ZZEF1: variants seen among roughly 807,000 people sequenced by gnomAD.
ZZEF1 encodes the protein zinc finger ZZ-type and EF-hand domain containing 1.
In ZZEF1, 157 loss-of-function variants were observed where a neutral mutation model predicts 342.8. The ratio of observed to expected loss-of-function variants is 0.46; its 90% CI spans 0.40 to 0.52. ZZEF1 has a LOEUF of 0.52. Among genes scored for constraint, ZZEF1 ranks in the 20% least tolerant of loss-of-function variants. The pLI is 0.00. For synonymous variants in ZZEF1, 1,505 were observed against 1,429.1 expected, an observed-to-expected ratio of 1.05 and a Z score of -1.20; for missense variants, 3,480 against 3,725.6, an observed-to-expected ratio of 0.93 and a Z score of 1.72.
chr17:4,069,314 C>T (rs2057464003), intron 26 of ZZEF1, among the ~76,000 whole-genome samples: 1 of 152,130 alleles, frequency 6.6e-6, no homozygotes, highest in Non-Finnish European at 1.5e-5. Context: ...ATACAGGTTA[C>T]ATCACCCCCT....
intron 1 of ZZEF1, among the ~76,000 whole-genome samples, chr17:4,142,331 G>C (rs1271424641): frequency 1.3e-5 from 2 of 152,226 alleles, no homozygotes; most frequent in Non-Finnish European, 2.9e-5. Context: ...ATATGGGCTT[G>C]TCCAGCTCTT....
At position 4,085,798 on chromosome 17, in the gene ZZEF1, C is replaced by G; in HGVS notation, c.2518G>C (p.Asp840His). 1 of 1,614,008 alleles carries G rather than the reference C, an allele frequency of 6.2e-7. No individual in the cohort carries two copies. Among genetic ancestry groups the G allele is most frequent in the Non-Finnish European group, 8.5e-7 (1 of 1,179,964 alleles). The change falls in exon 16 of 55, where the codon GAC becomes CAC. Residue 840 changes from aspartate to histidine, a missense_variant. Physicochemically the swap from Asp to His is moderately conservative, Grantham distance 81. Transcript: ENST00000381638. ...GGCACAGAGTCTCCATCCACCTTGT[C>G]CACCACTGATAAAATGAACAATGGC... is the stretch of plus-strand genomic sequence containing the variant. ...ELYTHLCDVV[D>H]KVDGDSVPME...
At chr17:4,101,833 T>A (rs1223371200) in intron 9 of ZZEF1, among the ~76,000 whole-genome samples, 1 of 152,146 alleles carries the variant, frequency 6.6e-6, no homozygotes, top group Non-Finnish European at 1.5e-5. Flanking sequence ...TTTCACCATG[T>A]TGGCCAGGCT....
Position 4,037,682 on chromosome 17 carries a change from C to T in ZZEF1, c.6307-3390G>A, listed in dbSNP as rs542638241. Reference sequence around the variant, plus strand: ...CCCTATGACTTCGACCTCCTGGGCTCGAGTGATCCTCCTGCCTCAGCCTCC... The same window carrying T: ...CCCTATGACTTCGACCTCCTGGGCTTGAGTGATCCTCCTGCCTCAGCCTCC... On this transcript the variant is annotated intron_variant, in intron 39 of 54. Coordinates refer to ENST00000381638, the MANE Select transcript of ZZEF1 (RefSeq NM_015113.4). 5.3e-5 allele frequency among the ~76,000 whole-genome samples: 8 copies of T among 152,272 alleles called. No homozygotes were observed. The South Asian group carries it at 6.2e-4, about 12-fold the overall frequency.
intron 26 of ZZEF1, among the ~76,000 whole-genome samples, chr17:4,069,884 T>G (rs2057475321): frequency 2.0e-5 from 3 of 152,112 alleles, no homozygotes; most frequent in Admixed American, 1.3e-4. Flanking sequence ...CCCACTCTAG[T>G]GGAAGGAAGC....
At chr17:4,060,417 T>C (rs2057259186) in intron 30 of ZZEF1, among the ~76,000 whole-genome samples, 1 of 151,916 alleles carries the variant, frequency 6.6e-6, no homozygotes, top group South Asian at 2.1e-4. Context: ...ATACAAAAAT[T>C]AGCCGAGTGT....
chr17:4,072,534 G>T, intron 25 of ZZEF1, 74 bp downstream of exon 25: 1 of 1,472,146 alleles, frequency 6.8e-7, no homozygotes. Context: ...AAACACAAGT[G>T]TTTATAACTT....
intron 1 of ZZEF1, among the ~76,000 whole-genome samples, chr17:4,132,838 C>A (rs533439073): frequency 2.6e-5 from 4 of 151,554 alleles, no homozygotes; most frequent in Non-Finnish European, 5.9e-5. Flanking sequence ...TGGTGGCGGG[C>A]GCCTGTAGTC....
At chr17:4,022,515 A>G (rs1453361923) in intron 44 of ZZEF1, 194 bp downstream of exon 44, 1 of 642,940 alleles carries the variant, frequency 1.6e-6, no homozygotes, top group Non-Finnish European at 2.6e-6. Flanking sequence ...CATTAAATTC[A>G]TTTTCCCTGA....
chr17:4,036,463 G>A (rs143492774), intron 39 of ZZEF1, among the ~76,000 whole-genome samples: 109 of 152,122 alleles, frequency 7.2e-4, no homozygotes, highest in African/African-American at 2.4e-3. Context: ...GGCCGGGCGC[G>A]GTGGCTCACG....
At chr17:4,091,747 A>G (rs768376881) in intron 11 of ZZEF1, among the ~76,000 whole-genome samples, 4 of 151,746 alleles carry the variant, frequency 2.6e-5, no homozygotes, top group African/African-American at 7.3e-5. Context: ...ATTGCACTCC[A>G]GCCTGGGTGA....
rs2144957055 is a variant in ZZEF1 at position 4,017,106 on chromosome 17, G to A, written c.8001+265C>T. The A allele has an allele frequency of 2.2e-6, 1 of 461,616 alleles. No homozygotes were observed. Among genetic ancestry groups the A allele is most frequent in the East Asian group, 3.9e-5 (1 of 25,924 alleles). The allele number at this position is 461,616 out of a possible 1,614,324, so 28.6% of individuals were successfully genotyped here. A position where few individuals can be genotyped will look rare whatever the true frequency, so the allele number is the denominator to read the frequency against. On this transcript the variant is annotated intron_variant, in intron 48 of 54. Transcript: ENST00000381638. The surrounding 1 kb of genome is among the most constrained non-coding windows in gnomAD (Gnocchi z 5.1). The stretch of plus-strand genomic sequence containing the variant: ...GGATCAAAAAGGAGCTACCGAATGT[G>A]CCTCAAGATTTCTGCACTTGGAAAC...
chr17:4,133,871 G>GT (rs922589370), intron 1 of ZZEF1, among the ~76,000 whole-genome samples: 10 of 151,792 alleles, frequency 6.6e-5, no homozygotes, highest in African/African-American at 2.2e-4. Context: ...TGCTCAGCTA[G>GT]TTTTTTATTT....
intron 39 of ZZEF1, among the ~76,000 whole-genome samples, chr17:4,038,144 TA>T (rs1336514012): frequency 6.6e-6 from 1 of 152,250 alleles, no homozygotes; most frequent in African/African-American, 2.4e-5. Flanking sequence ...CATAAGTTTG[TA>T]ATTATTTCTA....
At chr17:4,098,889 C>T (rs1260234393) in intron 9 of ZZEF1, among the ~76,000 whole-genome samples, 1 of 152,178 alleles carries the variant, frequency 6.6e-6, no homozygotes, top group Non-Finnish European at 1.5e-5. Flanking sequence ...TCACACAACT[C>T]CACTAACAGT....
intron 3 of ZZEF1, among the ~76,000 whole-genome samples, chr17:4,116,645 G>A (rs990952749): frequency 3.3e-5 from 5 of 152,214 alleles, no homozygotes; most frequent in African/African-American, 1.2e-4. Context: ...AATCAATAAT[G>A]CTACAACTTC....
chr17:4,141,336 T>G (rs1342566291), intron 1 of ZZEF1, among the ~76,000 whole-genome samples: 2 of 152,208 alleles, frequency 1.3e-5, no homozygotes, highest in Admixed American at 1.3e-4. Flanking sequence ...AAGCCTCTGA[T>G]TTTAAGGTGA....
rs929566554 is a variant in ZZEF1 at position 4,075,089 on chromosome 17, T to C, written c.3483+8A>G. 8 of 1,614,010 alleles carry C rather than the reference T, an allele frequency of 5.0e-6. No individual in the cohort carries two copies. The highest frequency in any genetic ancestry group is 3.3e-4 in the Middle Eastern group (2 of 6,084). Reference sequence around the variant, plus strand: ...AAGTAGGTACCTCTTTCTGGGACTATCACTCACCTTGGGCCATTTATCAGT... The same window carrying C: ...AAGTAGGTACCTCTTTCTGGGACTACCACTCACCTTGGGCCATTTATCAGT... On this transcript the variant is annotated splice_region_variant and intron_variant, in intron 23 of 54. Coordinates refer to ENST00000381638, the MANE Select transcript of ZZEF1 (RefSeq NM_015113.4).
chr17:4,044,129 G>A, intron 38 of ZZEF1, 95 bp downstream of exon 38: 2 of 1,404,520 alleles, frequency 1.4e-6, no homozygotes, highest in South Asian at 1.3e-5. Flanking sequence ...CTGGCGTCTA[G>A]CCAATGTCAA....
Sources: allele counts gnomAD v4.1 joint callset (sites outside exome capture counted in the v4.1 genomes callset), GRCh38; gene constraint gnomAD v4.1.1; non-coding constraint Gnocchi (gnomAD v3.1); transcripts MANE v1.5; gene names NCBI Gene and HGNC (gene_info 2026-07-23, HGNC 2026-07-21).